CNTNAP4: variants seen among roughly 807,000 people sequenced by gnomAD.
CNTNAP4 encodes the protein contactin associated protein family member 4, also known as contactin-associated protein-like 4.
Under a neutral mutation model 148.4 loss-of-function variants are expected in CNTNAP4, and 98 were observed. The observed-to-expected ratio is 0.66, with a 90% CI of 0.56 to 0.78. The LOEUF (loss-of-function observed/expected upper bound fraction) is 0.78. Ranked by LOEUF, CNTNAP4 falls within the 30% of genes least tolerant of loss-of-function variation. The pLI is 0.00. For missense variants in CNTNAP4, 1,935 were observed against 1,565.6 expected, an observed-to-expected ratio of 1.24 and a Z score of -3.98; for synonymous variants, 730 against 565.1, an observed-to-expected ratio of 1.29 and a Z score of -4.14.
intron 7 of CNTNAP4, among the ~76,000 whole-genome samples, chr16:76,452,020 A>G (rs2080504472): frequency 6.6e-6 from 1 of 151,990 alleles, no homozygotes; most frequent in African/African-American, 2.4e-5. Flanking sequence ...ACTATTATGT[A>G]TCACTAAGAA....
chr16:76,371,412 A>G (rs978016576), intron 3 of CNTNAP4, among the ~76,000 whole-genome samples: 2 of 152,058 alleles, frequency 1.3e-5, no homozygotes, highest in Non-Finnish European at 2.9e-5. Context: ...CAGCCTCCTG[A>G]GTAGCTGGGA....
rs551361070 is a variant in CNTNAP4 at position 76,439,619 on chromosome 16, C to T, written c.539-8393C>T. Among the ~76,000 whole-genome samples, 3 of 152,236 alleles carry T rather than the reference C, an allele frequency of 2.0e-5. No individual in the cohort carries two copies. The South Asian group carries it at 6.2e-4, about 32-fold the overall frequency. On this transcript the variant is annotated intron_variant, in intron 4 of 23. Transcript: ENST00000611870. ...CAAATCTGTTTAAAAGATTAATTTA[C>T]ATTGACAAAAATTAAGTGAGAATGA... is the stretch of plus-strand genomic sequence containing the variant.
chr16:76,298,093 A>G (rs1389116348), intron 1 of CNTNAP4, among the ~76,000 whole-genome samples: 1 of 152,022 alleles, frequency 6.6e-6, no homozygotes. Flanking sequence ...CTTTTGTTCT[A>G]CTGCCACAGT....
At chr16:76,348,444 T>G (rs1965097384) in intron 2 of CNTNAP4, among the ~76,000 whole-genome samples, 1 of 151,864 alleles carries the variant, frequency 6.6e-6, no homozygotes, top group Non-Finnish European at 1.5e-5. Context: ...GGGGAGTGAA[T>G]GCAGAGAGAA....
chr16:76,378,763 G>T (rs185785844), intron 3 of CNTNAP4, among the ~76,000 whole-genome samples: 116 of 152,260 alleles, frequency 7.6e-4, no homozygotes, highest in African/African-American at 2.7e-3. Context: ...GGGATGTTGT[G>T]CTCCTGCAAA....
At chr16:76,524,490 G>A (rs774905539) in intron 17 of CNTNAP4, among the ~76,000 whole-genome samples, 3 of 152,150 alleles carry the variant, frequency 2.0e-5, no homozygotes, top group Non-Finnish European at 4.4e-5. Flanking sequence ...TTTGCCTGTG[G>A]ATGACCTTTC....
At chr16:76,379,076 C>T (rs1954267541) in intron 3 of CNTNAP4, among the ~76,000 whole-genome samples, 1 of 152,078 alleles carries the variant, frequency 6.6e-6, no homozygotes, top group African/African-American at 2.4e-5. Flanking sequence ...TTAGGGTTAC[C>T]CCGGACTCAA....
intron 8 of CNTNAP4, among the ~76,000 whole-genome samples, chr16:76,454,002 T>G (rs181205905): frequency 0.012 from 1,787 of 152,292 alleles, 15 homozygotes; most frequent in Non-Finnish European, 0.016. Context: ...GTGATGTATC[T>G]GACATCTTCT....
At chr16:76,433,251 T>A (rs77579103) in intron 4 of CNTNAP4, among the ~76,000 whole-genome samples, 264 of 152,222 alleles carry the variant, frequency 1.7e-3, no homozygotes, top group African/African-American at 6.2e-3. Context: ...CATTCTAGTG[T>A]TCAACTTGTT....
intron 7 of CNTNAP4, 33 bp downstream of exon 7, chr16:76,449,891 C>G: frequency 6.4e-7 from 1 of 1,556,228 alleles, no homozygotes; most frequent in East Asian, 2.3e-5. Context: ...ATTAGTAAAA[C>G]TATATTTCTT....
Position 76,373,131 on chromosome 16 carries a change from T to C in CNTNAP4, c.390+17620T>C, listed in dbSNP as rs898306953. On this transcript the variant is annotated intron_variant, in intron 3 of 23. Coordinates refer to ENST00000611870, the MANE Select transcript of CNTNAP4 (RefSeq NM_033401.5). ...TGTGAATATATTCCATATAAATAGG[T>C]GAATATATTCCACATAAATAGGTGA... 4.0e-5 allele frequency among the ~76,000 whole-genome samples: 6 copies of C among 150,874 alleles called. No individual in the cohort carries two copies. In the South Asian group the frequency reaches 6.3e-4, roughly 16 times the overall value.
At chr16:76,424,356 G>T (rs1597490433) in intron 3 of CNTNAP4, among the ~76,000 whole-genome samples, 2 of 152,162 alleles carry the variant, frequency 1.3e-5, no homozygotes, top group East Asian at 3.9e-4. Context: ...TAGGGATTGT[G>T]TTAGTCTGCC....
intron 4 of CNTNAP4, among the ~76,000 whole-genome samples, chr16:76,443,246 C>G (rs1346325794): frequency 2.6e-5 from 4 of 152,014 alleles, no homozygotes; most frequent in Non-Finnish European, 5.9e-5. Flanking sequence ...AAAAAGTCTC[C>G]TCTTACATCT....
At position 76,284,577 on chromosome 16, in the gene CNTNAP4, G is replaced by GTA. The variant is rs1958809510; in HGVS notation, c.85+6831_85+6832dup. On this transcript the variant is annotated intron_variant, in intron 1 of 23. Transcript: ENST00000611870. Reference sequence around the variant, plus strand: ...ACAGGGTTTAAAATCTTAAGAAATAGTAGTTTACCCATAATTTTAAGTTAC... The same window carrying GTA: ...ACAGGGTTTAAAATCTTAAGAAATAGTATAGTTTACCCATAATTTTAAGTTAC... Among the ~76,000 whole-genome samples the GTA allele has an allele frequency of 5.9e-5, 9 of 152,024 alleles. No homozygotes were observed. In the South Asian group the frequency reaches 1.9e-3, roughly 31 times the overall value.
intron 10 of CNTNAP4, among the ~76,000 whole-genome samples, chr16:76,471,866 A>G (rs189030561): frequency 4.6e-5 from 7 of 152,308 alleles, no homozygotes; most frequent in East Asian, 1.9e-4. Flanking sequence ...GGTGGTGACC[A>G]TTATCCTAGC....
At chr16:76,421,051 A>G (rs1411442025) in intron 3 of CNTNAP4, among the ~76,000 whole-genome samples, 1 of 152,040 alleles carries the variant, frequency 6.6e-6, no homozygotes, top group Non-Finnish European at 1.5e-5. Flanking sequence ...ATAGTTACAG[A>G]TTACAGCCAA....
Position 76,560,255 on chromosome 16 carries a change from A to G in CNTNAP4, c.*1572A>G, listed in dbSNP as rs1480534484. Among the ~76,000 whole-genome samples the G allele has an allele frequency of 3.9e-5, 6 of 152,164 alleles. No homozygotes were observed. In the East Asian group the frequency reaches 1.2e-3, roughly 29 times the overall value. ...GGAAATATGTAAATTTAGCATTACT[A>G]TCATCTTATTTTCTATATTTTCCTT... On this transcript the variant is annotated 3_prime_UTR_variant, in exon 24 of 24. Coordinates refer to ENST00000611870, the MANE Select transcript of CNTNAP4 (RefSeq NM_033401.5).
chr16:76,406,769 T>C (rs2078611960), intron 3 of CNTNAP4, among the ~76,000 whole-genome samples: 1 of 152,116 alleles, frequency 6.6e-6, no homozygotes, highest in Non-Finnish European at 1.5e-5. Context: ...CTATGAAGGC[T>C]GAGAGAGGTG....
chr16:76,472,872 T>C (rs2143575232), intron 10 of CNTNAP4, among the ~76,000 whole-genome samples: 1 of 152,156 alleles, frequency 6.6e-6, no homozygotes, highest in East Asian at 1.9e-4. Flanking sequence ...TATACCTGGG[T>C]GATGAAACAA....
Sources: gnomAD v4.1 joint callset for allele counts (sites outside exome capture counted in the v4.1 genomes callset) on GRCh38, gnomAD v4.1.1 for gene constraint, MANE v1.5 for transcripts, NCBI Gene and HGNC (gene_info 2026-07-23, HGNC 2026-07-21) for gene names.